PLXNC1: variants seen among roughly 807,000 people sequenced by gnomAD.
PLXNC1 encodes the protein plexin C1.
A neutral mutation model predicts 178.2 loss-of-function variants in PLXNC1; 75 were observed. The observed-to-expected ratio is 0.42, with a 90% CI of 0.35 to 0.51. The LOEUF (loss-of-function observed/expected upper bound fraction) is 0.51, where lower values mean the gene tolerates loss of function less well. Ranked by LOEUF, PLXNC1 falls within the 20% of genes least tolerant of loss-of-function variation. The pLI, the probability that PLXNC1 is intolerant of heterozygous loss-of-function variation, is 0.02. For synonymous variants in PLXNC1, 790 were observed against 779.9 expected, an observed-to-expected ratio of 1.01 and a Z score of -0.22; for missense variants, 1,503 against 1,984.4, an observed-to-expected ratio of 0.76 and a Z score of 4.61.
chr12:94,237,839 G>A (rs375728920), intron 10 of PLXNC1, 36 bp downstream of exon 10: 63 of 1,602,948 alleles, frequency 3.9e-5, no homozygotes, highest in South Asian at 5.5e-5. Context: ...CCTCGGTAAC[G>A]TAACGCTCAA....
rs551238429 is a variant in PLXNC1, at chr12:94,245,267, A to C, written c.2388+1242A>C. ...CTCTCCCTCCTACTTGCTGTTCCCA[A>C]ATCAAGTTGAATTTTTTGAGCACCT... is the stretch of plus-strand genomic sequence containing the variant. On this transcript the variant is annotated intron_variant, in intron 12 of 30. Coordinates refer to ENST00000258526, the MANE Select transcript of PLXNC1 (RefSeq NM_005761.3). Among the ~76,000 whole-genome samples the C allele has an allele frequency of 1.2e-3, 178 of 152,296 alleles. 4 individuals carry two copies. The highest frequency in any genetic ancestry group is 6.8e-3 in the Middle Eastern group (2 of 294).
rs149886350 is a variant in PLXNC1, at chr12:94,222,726, A to T, written c.1703-1502A>T. ...TGTGCCTATTTGGTGCTTGAAAAAA[A>T]GTATGACTTTTGCAGTCTTCATCAC... On this transcript the variant is annotated intron_variant, in intron 6 of 30. Transcript: ENST00000258526. Among the ~76,000 whole-genome samples the T allele has an allele frequency of 5.3e-3, 811 of 152,254 alleles. 6 individuals carry two copies. Among genetic ancestry groups the T allele is most frequent in the South Asian group, 0.038 (181 of 4,822 alleles).
chr12:94,284,454 T>C (rs1457922062), intron 23 of PLXNC1, among the ~76,000 whole-genome samples: 1 of 152,206 alleles, frequency 6.6e-6, no homozygotes, highest in African/African-American at 2.4e-5. Context: ...CACATCTGCT[T>C]CACCGTCTTA....
At chr12:94,155,475 G>A (rs758199075) in intron 1 of PLXNC1, among the ~76,000 whole-genome samples, 1 of 152,188 alleles carries the variant, frequency 6.6e-6, no homozygotes, top group Non-Finnish European at 1.5e-5. Flanking sequence ...TTTTCCTTGT[G>A]TTCCAACTGA....
chr12:94,194,182 A>G (rs1231236318), intron 4 of PLXNC1, among the ~76,000 whole-genome samples: 1 of 152,102 alleles, frequency 6.6e-6, no homozygotes, highest in African/African-American at 2.4e-5. Context: ...CCAGATCTCA[A>G]GAGAACTCAC....
chr12:94,188,784 GAGGCC>G (rs1200422660), intron 4 of PLXNC1, among the ~76,000 whole-genome samples: 1 of 152,360 alleles, frequency 6.6e-6, no homozygotes, highest in African/African-American at 2.4e-5. Flanking sequence ...TGCCAGTAGG[GAGGCC>G]AGCCTCAGAC....
At position 94,304,061 on chromosome 12, in the gene PLXNC1, TA is replaced by T; in HGVS notation, c.4602+13del. The T allele has an allele frequency of 1.4e-6, 2 of 1,453,442 alleles. No homozygotes were observed. The highest frequency in any genetic ancestry group is 1.9e-6 in the Non-Finnish European group (2 of 1,039,652). The allele number at this position is 1,453,442 out of a possible 1,614,324, so 90.0% of individuals were successfully genotyped here. A position where few individuals can be genotyped will look rare whatever the true frequency, so the allele number is the denominator to read the frequency against. Reference sequence around the variant, plus strand: ...AAAATATTTTGATGAGGTAAGATTTTAAATAACATTGTTTTTAACCTTTGAA... The same window carrying T: ...AAAATATTTTGATGAGGTAAGATTTTAATAACATTGTTTTTAACCTTTGAA... On this transcript the variant is annotated intron_variant, in intron 30 of 30. Transcript: ENST00000258526.
At chr12:94,230,603 G>T (rs895222590) in intron 9 of PLXNC1, among the ~76,000 whole-genome samples, 11 of 152,208 alleles carry the variant, frequency 7.2e-5, no homozygotes, top group African/African-American at 2.4e-5. Context: ...AGGGAATGGA[G>T]TGTTATTTGT....
chr12:94,199,436 G>A (rs945290651), intron 4 of PLXNC1, among the ~76,000 whole-genome samples: 1 of 152,192 alleles, frequency 6.6e-6, no homozygotes, highest in African/African-American at 2.4e-5. Flanking sequence ...TAGGACAACT[G>A]TCTGTGGGGT....
At chr12:94,176,107 T>G (rs1962039854) in intron 2 of PLXNC1, among the ~76,000 whole-genome samples, 1 of 152,234 alleles carries the variant, frequency 6.6e-6, no homozygotes, top group Admixed American at 6.5e-5. Flanking sequence ...ATTGTGTGTG[T>G]GAATTGGATG....
intron 1 of PLXNC1, among the ~76,000 whole-genome samples, chr12:94,161,746 A>T (rs1282410090): frequency 6.6e-6 from 1 of 152,224 alleles, no homozygotes; most frequent in African/African-American, 2.4e-5. Flanking sequence ...TGTGAAATTC[A>T]GAGAAGGCCA....
At chr12:94,296,407 T>C (rs1689205244) in intron 24 of PLXNC1, among the ~76,000 whole-genome samples, 1 of 152,206 alleles carries the variant, frequency 6.6e-6, no homozygotes. Flanking sequence ...GCAGTCCTCC[T>C]GCCTTGGCTT....
chr12:94,229,524 C>T lies in PLXNC1; in HGVS notation c.1980+2289C>T, dbSNP rs565963908. Among the ~76,000 whole-genome samples, 237 of 152,278 alleles carry T rather than the reference C, an allele frequency of 1.6e-3. 1 individual carries two copies. Among genetic ancestry groups the T allele is most frequent in the African/African-American group, 5.7e-3 (235 of 41,566 alleles). On this transcript the variant is annotated intron_variant, in intron 9 of 30. Coordinates refer to ENST00000258526, the MANE Select transcript of PLXNC1 (RefSeq NM_005761.3). ...TCTTTCTGCATTTATTTGTAAAGGT[C>T]TGTAGCACTTATATTTTGGCCTCTG...
intron 3 of PLXNC1, chr12:94,186,141 G>A (rs535120568): frequency 1.5e-4 from 64 of 421,906 alleles, no homozygotes; most frequent in African/African-American, 1.2e-3. Flanking sequence ...CAGACTTAGC[G>A]AGAGTCTCTG....
chr12:94,210,731 C>G (rs547813911), intron 5 of PLXNC1, among the ~76,000 whole-genome samples: 1 of 152,254 alleles, frequency 6.6e-6, no homozygotes, highest in Admixed American at 6.5e-5. Flanking sequence ...AGTTATTTGG[C>G]TGTTGTCACT....
chr12:94,211,928 C>A (rs982506655), intron 5 of PLXNC1, among the ~76,000 whole-genome samples: 1 of 152,082 alleles, frequency 6.6e-6, no homozygotes, highest in Non-Finnish European at 1.5e-5. Flanking sequence ...ACATGGGCTC[C>A]CCTGGTGGAA....
intron 17 of PLXNC1, among the ~76,000 whole-genome samples, chr12:94,257,799 C>T (rs551493471): frequency 1.3e-4 from 20 of 152,022 alleles, no homozygotes; most frequent in South Asian, 1.0e-3. Context: ...CCCAGCTACT[C>T]GGGAGGCTGA....
At chr12:94,256,242 T>C (rs1006765619) in intron 17 of PLXNC1, 6 of 152,156 alleles carry the variant, frequency 3.9e-5, no homozygotes, top group South Asian at 2.1e-4. Flanking sequence ...TCCGGAACAA[T>C]TGGCCAGAAG....
chr12:94,202,570 T>TC (rs1199758932), intron 4 of PLXNC1, among the ~76,000 whole-genome samples: 1 of 152,162 alleles, frequency 6.6e-6, no homozygotes, highest in African/African-American at 2.4e-5. Context: ...GCAAACATCA[T>TC]AGAGGAAGAC....
Sources: allele counts gnomAD v4.1 joint callset (sites outside exome capture counted in the v4.1 genomes callset), GRCh38; gene constraint gnomAD v4.1.1; transcripts MANE v1.5; gene names NCBI Gene and HGNC (gene_info 2026-07-23, HGNC 2026-07-21).